PATZ1: variants seen among roughly 807,000 people sequenced by gnomAD.
PATZ1 encodes the protein POZ-, AT hook-, and zinc finger-containing protein 1.
A neutral mutation model predicts 46.2 loss-of-function variants in PATZ1; 9 were observed. The observed-to-expected ratio is 0.19, with a 90% CI of 0.12 to 0.34. PATZ1 has a LOEUF of 0.34. Among genes scored for constraint, PATZ1 ranks in the 10% least tolerant of loss-of-function variants. PATZ1 has a pLI of 1.00. For missense variants in PATZ1, 632 were observed against 923.0 expected (o/e 0.68, Z 4.08); for synonymous variants, 426 against 378.6 (o/e 1.13, Z -1.45).
intron 1 of PATZ1, 45 bp downstream of exon 1, chr22:31,344,287 C>T (rs754868794): frequency 2.0e-6 from 3 of 1,522,176 alleles, no homozygotes; most frequent in Middle Eastern, 1.8e-4. Flanking sequence ...CTTTTCAGGA[C>T]TAAGATAACG....
intron 2 of PATZ1, chr22:31,341,525 T>G: frequency 6.2e-7 from 1 of 1,613,928 alleles, no homozygotes; most frequent in Non-Finnish European, 8.5e-7. Context: ...GGCCCAGGTT[T>G]TCAAGGGCTG....
chr22:31,326,579 A>G lies in PATZ1; in HGVS notation c.*312T>C. The G allele has an allele frequency of 3.0e-6, 1 of 338,434 alleles. No homozygotes were observed. The highest frequency in any genetic ancestry group is 5.4e-6 in the Non-Finnish European group (1 of 184,442). The allele number at this position is 338,434 out of a possible 1,614,324, so 21.0% of individuals were successfully genotyped here. ...ATAGGATTGGGGTCACTAAGAATTG[A>G]GCACCAGGAATTCCAGCTTCTTCCC... On this transcript the variant is annotated 3_prime_UTR_variant, in exon 5 of 5. Coordinates refer to ENST00000266269, the MANE Select transcript of PATZ1 (RefSeq NM_014323.3).
intron 1 of PATZ1, chr22:31,343,380 C>T: frequency 1.0e-6 from 1 of 988,068 alleles, no homozygotes; most frequent in Non-Finnish European, 1.2e-6. Context: ...TCTCCCGCCA[C>T]GGGCAGCCAA....
chr22:31,344,261 A>C lies in PATZ1; in HGVS notation c.1271+71T>G, dbSNP rs370741318. 766 of 1,380,766 alleles carry C rather than the reference A, an allele frequency of 5.5e-4. 8 individuals carry two copies. Among genetic ancestry groups the C allele is most frequent in the South Asian group, 4.5e-3 (328 of 73,256 alleles). 85.5% of individuals were successfully genotyped at this position (1,380,766 alleles called of 1,614,324 possible). A position where few individuals can be genotyped will look rare whatever the true frequency, so the allele number is the denominator to read the frequency against. ...TGACCCCCACAAATCCCACACCCCC[A>C]GATCTTGGCAGGAGCCTTTTCAGGA... On this transcript the variant is annotated intron_variant, in intron 1 of 4. Transcript: ENST00000266269.
chr22:31,326,565 G>T lies in PATZ1; in HGVS notation c.*326C>A. ...TCATAGATTTGGGTATAGGATTGGG[G>T]TCACTAAGAATTGAGCACCAGGAAT... On this transcript the variant is annotated 3_prime_UTR_variant, in exon 5 of 5. Transcript: ENST00000266269. The T allele has an allele frequency of 3.0e-6, 1 of 329,250 alleles. No homozygotes were observed. Among genetic ancestry groups the T allele is most frequent in the South Asian group, 5.9e-5 (1 of 16,894 alleles). 20.4% of individuals were successfully genotyped at this position (329,250 alleles called of 1,614,324 possible). A position where few individuals can be genotyped will look rare whatever the true frequency, so the allele number is the denominator to read the frequency against.
At position 31,344,617 on chromosome 22, in the gene PATZ1, G is replaced by A. The variant is rs1331663097; in HGVS notation, c.986C>T (p.Pro329Leu). Residue 329 changes from proline (P) to leucine (L), a missense_variant, in exon 1 of 5, where the codon CCG (proline) becomes CTG (leucine). Around this residue, in one of 7 missense-constraint regions of PATZ1, gnomAD observed 279 missense variants for 284.3 expected, o/e 0.98. Coordinates refer to ENST00000266269, the MANE Select transcript of PATZ1 (RefSeq NM_014323.3). ...GGGTAGCCCATTCTCACCCAGCCTC[G>A]GAGGAGGAAGGTCGATGTAGCCCAG... ...LQLGYIDLPP[P>L]RLGENGLPIS... The A allele has an allele frequency of 6.2e-7, 1 of 1,614,098 alleles. No homozygotes were observed. Among genetic ancestry groups the A allele is most frequent in the Non-Finnish European group, 8.5e-7 (1 of 1,180,034 alleles).
At chr22:31,335,669 T>G in intron 3 of PATZ1, 23 bp downstream of exon 3, 3 of 1,608,150 alleles carry the variant, frequency 1.9e-6, no homozygotes, top group Non-Finnish European at 2.6e-6. Flanking sequence ...CCTCTGGAAG[T>G]GAGGAAACAG....
intron 2 of PATZ1, among the ~76,000 whole-genome samples, chr22:31,336,409 C>G (rs143362637): frequency 4.4e-4 from 67 of 152,188 alleles, no homozygotes; most frequent in African/African-American, 1.5e-3. Context: ...GATAATTATT[C>G]GTAATATTTT....
chr22:31,338,539 G>C (rs1341792662), intron 2 of PATZ1, among the ~76,000 whole-genome samples: 1 of 152,104 alleles, frequency 6.6e-6, no homozygotes, highest in African/African-American at 2.4e-5. Flanking sequence ...CACAGTAGGA[G>C]AAAAAAACTC....
chr22:31,338,517 C>T lies in PATZ1; in HGVS notation c.1336-2654G>A, dbSNP rs1177613159. 2.0e-5 allele frequency among the ~76,000 whole-genome samples: 3 copies of T among 152,194 alleles called. No individual in the cohort carries two copies. The East Asian group carries it at 5.8e-4, about 29-fold the overall frequency. On this transcript the variant is annotated intron_variant, in intron 2 of 4. Coordinates refer to ENST00000266269, the MANE Select transcript of PATZ1 (RefSeq NM_014323.3). Reference sequence around the variant, plus strand: ...CCACGTCAGCCAGGGACCTCATGACCCAGTGACAGGCCACAGTAGGAGAAA... The same window carrying T: ...CCACGTCAGCCAGGGACCTCATGACTCAGTGACAGGCCACAGTAGGAGAAA...
At chr22:31,329,629 G>A (rs1163717767) in intron 3 of PATZ1, among the ~76,000 whole-genome samples, 3 of 152,198 alleles carry the variant, frequency 2.0e-5, no homozygotes, top group South Asian at 2.1e-4. Flanking sequence ...CACCAGGTTC[G>A]CGTACAGGAG....
intron 1 of PATZ1, among the ~76,000 whole-genome samples, chr22:31,343,882 CTG>C (rs1357722918): frequency 2.6e-5 from 4 of 152,292 alleles, no homozygotes; most frequent in Admixed American, 6.5e-5. Context: ...GGCCAGTGTT[CTG>C]TGTTGGGGAA....
At position 31,327,457 on chromosome 22, in the gene PATZ1, G is replaced by A; in HGVS notation, c.1646-148C>T. The A allele has an allele frequency of 1.5e-6, 1 of 669,860 alleles. No homozygotes were observed. Among genetic ancestry groups the A allele is most frequent in the Non-Finnish European group, 2.5e-6 (1 of 397,782 alleles). 41.5% of individuals were successfully genotyped at this position (669,860 alleles called of 1,614,324 possible). On this transcript the variant is annotated intron_variant, in intron 4 of 4. Transcript: ENST00000266269. This position sits in a 1 kb window ranked among gnomAD's most constrained non-coding sequence, Gnocchi z 4.2. ...TGGCAGAACCCACGGAGGGTCAGCT[G>A]GTCAGTCTGGGAGCCTGGAGTGCCT...
In PATZ1 at chr22:31,345,311, C is replaced by A. The variant is rs1335395327; in HGVS notation, c.292G>T (p.Ala98Ser). Residue 98 changes from alanine (A) to serine (S), a missense_variant, in exon 1 of 5, where the codon GCC becomes TCC. Transcript: ENST00000266269. This position sits in a 1 kb window ranked among gnomAD's most constrained non-coding sequence, Gnocchi z 7.4. ...ATCTCCAGCTCCCGGCTGCCCCCGG[C>A]CCCGCCGCCTGGTGCTGCCGTCGCG... ...GGATAAPGGG[A>S]GGSRELEMHT... 6.2e-7 allele frequency: 1 copy of A among 1,610,710 alleles called. No homozygotes were observed. The highest frequency in any genetic ancestry group is 8.5e-7 in the Non-Finnish European group (1 of 1,178,080).
chr22:31,344,650 C>T lies in PATZ1; in HGVS notation c.953G>A (p.Ser318Asn). 1 of 1,614,036 alleles carries T rather than the reference C, an allele frequency of 6.2e-7. No homozygotes were observed. The highest frequency in any genetic ancestry group is 8.5e-7 in the Non-Finnish European group (1 of 1,180,024). ...AAGGTCGATGTAGCCCAGCTGGAGG[C>T]TGGTGACACCGTGCTGGGCCTCGTG... ...RQHEAQHGVT[S>N]LQLGYIDLPP... The change falls in exon 1 of 5, where the codon AGC becomes AAC. Residue 318 changes from serine to asparagine, a missense_variant. Transcript: ENST00000266269.
At chr22:31,337,872 C>A (rs1352039383) in intron 2 of PATZ1, 1 of 152,144 alleles carries the variant, frequency 6.6e-6, no homozygotes, top group Non-Finnish European at 1.5e-5. Context: ...TACTGTACAG[C>A]CATAGCAAGA....
intron 3 of PATZ1, among the ~76,000 whole-genome samples, chr22:31,333,200 A>C (rs900362740): frequency 6.6e-6 from 1 of 152,210 alleles, no homozygotes; most frequent in African/African-American, 2.4e-5. Flanking sequence ...ATTGAAAAAG[A>C]CAGATCTATA....
At chr22:31,343,155 T>C in intron 1 of PATZ1, 195 bp from the exon 2 acceptor site, 1 of 1,322,948 alleles carries the variant, frequency 7.6e-7, no homozygotes, top group Non-Finnish European at 9.7e-7. Context: ...GCCCTGGTTT[T>C]CTCTGGAGGG....
chr22:31,329,011 G>A, intron 3 of PATZ1, 87 bp from the exon 4 acceptor site: 4 of 1,405,946 alleles, frequency 2.8e-6, no homozygotes, highest in Non-Finnish European at 3.8e-6. Flanking sequence ...GGCCGCTCTG[G>A]CTAGCATTCC....
Sources: gnomAD v4.1 joint callset for allele counts (sites outside exome capture counted in the v4.1 genomes callset) on GRCh38, gnomAD v4.1.1 for gene constraint, gnomAD v4.1.1 regional missense constraint, Gnocchi (gnomAD v3.1) non-coding constraint, MANE v1.5 for transcripts, NCBI Gene and HGNC (gene_info 2026-07-23, HGNC 2026-07-21) for gene names.